The following PCDH15 variants were observed in gnomAD, a reference collection of about 807,000 sequenced individuals.
PCDH15 encodes the protein protocadherin related 15.
A neutral mutation model predicts 178.5 loss-of-function variants in PCDH15; 129 were observed. The observed-to-expected ratio is 0.72, with a 90% CI of 0.63 to 0.84. The LOEUF (loss-of-function observed/expected upper bound fraction) is 0.84. PCDH15 is among the 40% of genes least tolerant of loss of function. The pLI is 0.00. For synonymous variants in PCDH15, 800 were observed against 732.0 expected (o/e 1.09, Z -1.50); for missense variants, 2,230 against 2,099.9 (o/e 1.06, Z -1.21).
intron 26 of PCDH15, among the ~76,000 whole-genome samples, chr10:53,878,215 A>AATATATATATATATATAT (rs140273411): frequency 3.1e-5 from 4 of 127,454 alleles, no homozygotes; most frequent in African/African-American, 1.3e-4. Flanking sequence ...ACACACTTTG[A>AATATATATATATATATAT]ATATATATAT....
chr10:53,963,035 T>C (rs1666902002), intron 21 of PCDH15, among the ~76,000 whole-genome samples: 1 of 152,208 alleles, frequency 6.6e-6, no homozygotes, highest in African/African-American at 2.4e-5. Context: ...CACTCCTATT[T>C]GGCATTATTC....
chr10:53,866,980 C>A (rs2079507748), intron 26 of PCDH15, 123 bp from the exon 27 acceptor site: 5 of 702,858 alleles, frequency 7.1e-6, no homozygotes, highest in Non-Finnish European at 1.2e-5. Flanking sequence ...TAAAGCCCTC[C>A]TAAATGTCTG....
At chr10:55,023,437 A>G (rs1591841378) in intron 2 of PCDH15, among the ~76,000 whole-genome samples, 1 of 152,178 alleles carries the variant, frequency 6.6e-6, no homozygotes, top group African/African-American at 2.4e-5. Flanking sequence ...TCTTTGAAAA[A>G]CTACAATTTT....
chr10:55,544,090 C>T (rs935459065), intron 2 of PCDH15, among the ~76,000 whole-genome samples: 1 of 138,666 alleles, frequency 7.2e-6, no homozygotes, highest in Non-Finnish European at 1.5e-5. Flanking sequence ...AGATGCAGAT[C>T]AACTGAGTTT....
rs756468498 is a variant in PCDH15, at chr10:54,066,894, A to G, written c.2092-9T>C. On this transcript the variant is annotated splice_polypyrimidine_tract_variant and intron_variant, in intron 17 of 37. Transcript: ENST00000644397. ...ACTGTGGCAGTTGAGGTCTTAAAGA[A>G]AAACACAAGCATTAAATGTGAGAGG... 6.2e-7 allele frequency: 1 copy of G among 1,612,720 alleles called. No individual in the cohort carries two copies. Among genetic ancestry groups the G allele is most frequent in the South Asian group, 1.1e-5 (1 of 91,042 alleles).
intron 2 of PCDH15, among the ~76,000 whole-genome samples, chr10:55,524,924 G>A (rs1841269772): frequency 6.6e-6 from 1 of 151,738 alleles, no homozygotes; most frequent in African/African-American, 2.4e-5. Context: ...TTTTTAAACA[G>A]ATGAAACTAA....
chr10:54,149,440 A>T (rs542342466), intron 14 of PCDH15, among the ~76,000 whole-genome samples: 20 of 152,236 alleles, frequency 1.3e-4, no homozygotes, highest in Admixed American at 8.5e-4. Flanking sequence ...GAAAAGATCC[A>T]TCCAGGCTGA....
intron 3 of PCDH15, among the ~76,000 whole-genome samples, chr10:54,527,297 A>T (rs2083449150): frequency 1.3e-5 from 2 of 152,154 alleles, no homozygotes. Context: ...CCCAAGTGAA[A>T]ATTCAGACTT....
At chr10:54,240,649 T>TTG (rs2055162441) in intron 8 of PCDH15, among the ~76,000 whole-genome samples, 1 of 144,438 alleles carries the variant, frequency 6.9e-6, no homozygotes, top group Non-Finnish European at 1.5e-5. Context: ...TTTTTTTTTT[T>TTG]GAGACAGAGT....
At chr10:54,375,904 T>C (rs950733828) in intron 4 of PCDH15, among the ~76,000 whole-genome samples, 6 of 148,534 alleles carry the variant, frequency 4.0e-5, no homozygotes, top group Non-Finnish European at 8.9e-5. Context: ...TATAATTTTT[T>C]TTCTTTTTGA....
intron 2 of PCDH15, among the ~76,000 whole-genome samples, chr10:55,092,065 T>C (rs1270348706): frequency 1.3e-5 from 2 of 151,896 alleles, no homozygotes; most frequent in Admixed American, 1.3e-4. Context: ...CATAAGAGTA[T>C]AAAGAAAATG....
At position 55,234,122 on chromosome 10, in the gene PCDH15, T is replaced by A. The variant is rs551308449; in HGVS notation, c.-155-67471A>T. Among the ~76,000 whole-genome samples, 99 of 152,226 alleles carry A rather than the reference T, an allele frequency of 6.5e-4. 1 individual carries two copies. In the South Asian group the frequency reaches 0.019, roughly 29 times the overall value. ...TTCCCCTCTTGACACGCACACCCAT[T>A]AACCCACATATACACACATCAAATT... is the stretch of plus-strand genomic sequence containing the variant. On this transcript the variant is annotated intron_variant, in intron 1 of 5. Transcript: ENST00000458638.
At chr10:54,971,246 G>A (rs1244998285) in intron 2 of PCDH15, among the ~76,000 whole-genome samples, 1 of 152,156 alleles carries the variant, frequency 6.6e-6, no homozygotes, top group East Asian at 1.9e-4. Context: ...GGGGCCTTGA[G>A]GAGGTTCTTA....
intron 3 of PCDH15, among the ~76,000 whole-genome samples, chr10:54,394,683 G>A (rs367686304): frequency 6.6e-6 from 1 of 152,084 alleles, no homozygotes; most frequent in East Asian, 1.9e-4. Context: ...AGATCAACTG[G>A]TCTGACCAAA....
At chr10:54,601,714 G>A (rs951731018) in intron 2 of PCDH15, among the ~76,000 whole-genome samples, 7 of 151,908 alleles carry the variant, frequency 4.6e-5, no homozygotes. Flanking sequence ...GAATATGATT[G>A]ATGTATTATA....
intron 18 of PCDH15, among the ~76,000 whole-genome samples, chr10:54,032,591 G>A (rs189376546): frequency 6.6e-6 from 1 of 152,020 alleles, no homozygotes; most frequent in Admixed American, 6.6e-5. Context: ...TTAAAAGAAG[G>A]TATGTTTTCT....
intron 21 of PCDH15, among the ~76,000 whole-genome samples, chr10:53,963,641 G>GAAT (rs5785031): frequency 0.72 from 109,373 of 151,700 alleles, 39,704 homozygotes; most frequent in East Asian, 0.87. Context: ...TTCAAAACCA[G>GAAT]AATGATTTCA....
chr10:53,913,616 C>T (rs559325558), intron 25 of PCDH15, among the ~76,000 whole-genome samples: 6 of 151,282 alleles, frequency 4.0e-5, no homozygotes, highest in African/African-American at 1.2e-4. Context: ...TTGTGGTGGG[C>T]GTCTGTATTC....
intron 2 of PCDH15, among the ~76,000 whole-genome samples, chr10:55,446,326 T>TAA (rs1554870291): frequency 1.3e-5 from 2 of 151,416 alleles, no homozygotes; most frequent in African/African-American, 4.9e-5. Context: ...TATATATATA[T>TAA]AAAACATTCT....
Sources: allele counts gnomAD v4.1 joint callset (sites outside exome capture counted in the v4.1 genomes callset), GRCh38; gene constraint gnomAD v4.1.1; transcripts MANE v1.5; gene names NCBI Gene and HGNC (gene_info 2026-07-23, HGNC 2026-07-21).